The following BRWD1 variants were observed in gnomAD, a reference collection of about 807,000 sequenced individuals.
BRWD1 encodes bromodomain and WD repeat-containing protein 1.
Under a neutral mutation model 251.2 loss-of-function variants are expected in BRWD1, and 82 were observed. The observed-to-expected ratio is 0.33, with a 90% CI of 0.27 to 0.39. The LOEUF (loss-of-function observed/expected upper bound fraction) is 0.39. BRWD1 is among the 10% of genes least tolerant of loss of function. The pLI, the probability that BRWD1 is intolerant of heterozygous loss-of-function variation, is 1.00. For missense variants in BRWD1, 2,233 were observed against 2,711.6 expected, an observed-to-expected ratio of 0.82 and a Z score of 3.92; for synonymous variants, 918 against 902.8, an observed-to-expected ratio of 1.02 and a Z score of -0.30.
chr21:39,189,156 A>T lies in BRWD1; in HGVS notation c.*7103T>A, dbSNP rs1601214125. On this transcript the variant is annotated 3_prime_UTR_variant, in exon 41 of 41. Transcript: ENST00000342449. ...AATATGCTACAAAGGGTAAACAAAA[A>T]TTTTAAAATATGCAAAATTAAGGTG... 1.0e-6 allele frequency: 1 copy of T among 984,398 alleles called. No individual in the cohort carries two copies. Among genetic ancestry groups the T allele is most frequent in the African/African-American group, 1.7e-5 (1 of 57,354 alleles). The allele number at this position is 984,398 out of a possible 1,614,324, so 61.0% of individuals were successfully genotyped here.
Position 39,199,164 on chromosome 21 carries a change from A to T in BRWD1, c.5252T>A (p.Leu1751His), listed in dbSNP as rs1371985781. The T allele has an allele frequency of 1.9e-6, 3 of 1,614,162 alleles. No individual in the cohort carries two copies. Among genetic ancestry groups the T allele is most frequent in the South Asian group, 2.2e-5 (2 of 91,080 alleles). The change falls in exon 40 of 41, where the codon CTT becomes CAT. Residue 1751 changes from leucine to histidine, a missense_variant. Leu to His is a moderately conservative substitution (Grantham distance 99, BLOSUM62 -3). Around this residue, in one of 12 missense-constraint regions of BRWD1, gnomAD observed 928 missense variants for 970.0 expected, o/e 0.96. Transcript: ENST00000342449. The stretch of plus-strand genomic sequence containing the variant: ...GTCTTCCTCAGAAGACTCTATTTTA[A>T]GAAATTTTGTCTTTGAAGGTGCTGG... ...HTPAPSKTKFLKIESSEEDSK... is the reference protein window; with the variant it reads ...HTPAPSKTKFHKIESSEEDSK...
At chr21:39,304,141 C>CAAAAA (rs56990201) in intron 4 of BRWD1, among the ~76,000 whole-genome samples, 72 of 118,266 alleles carry the variant, frequency 6.1e-4, no homozygotes, top group Non-Finnish European at 8.4e-4. Context: ...AACTCTTTCT[C>CAAAAA]AAAAAAAAAA....
In BRWD1 at chr21:39,187,974, GGA is replaced by G; in HGVS notation, c.*8283_*8284del. 1 of 985,240 alleles carries G rather than the reference GGA, an allele frequency of 1.0e-6. No individual in the cohort carries two copies. The highest frequency in any genetic ancestry group is 1.2e-6 in the Non-Finnish European group (1 of 829,848). 61.0% of individuals were successfully genotyped at this position (985,240 alleles called of 1,614,324 possible). ...GGATTTGCCAGACAAAAAGCACTTTGGAGAGTTAACTACTTCATGCAGACTAA... is the reference window on the plus strand; with the variant it reads ...GGATTTGCCAGACAAAAAGCACTTTGGAGTTAACTACTTCATGCAGACTAA... On this transcript the variant is annotated 3_prime_UTR_variant, in exon 41 of 41. Coordinates refer to ENST00000342449, the MANE Select transcript of BRWD1 (RefSeq NM_033656.4).
intron 27 of BRWD1, among the ~76,000 whole-genome samples, chr21:39,226,225 A>G (rs2033377305): frequency 6.6e-6 from 1 of 152,176 alleles, no homozygotes; most frequent in Admixed American, 6.5e-5. Flanking sequence ...TTGCTAGCTG[A>G]TCACCCTGGT....
At chr21:39,265,949 A>C (rs2034905542) in intron 15 of BRWD1, among the ~76,000 whole-genome samples, 1 of 152,252 alleles carries the variant, frequency 6.6e-6, no homozygotes, top group Admixed American at 6.5e-5. Context: ...TAAACTGTAA[A>C]CTATATTAGT....
chr21:39,243,190 A>T (rs150176136), intron 21 of BRWD1, among the ~76,000 whole-genome samples: 560 of 152,338 alleles, frequency 3.7e-3, no homozygotes, highest in Non-Finnish European at 6.3e-3. Context: ...GAAGAACAGT[A>T]TATTTTCTGT....
At chr21:39,264,255 G>A (rs1025755262) in intron 17 of BRWD1, among the ~76,000 whole-genome samples, 6 of 152,044 alleles carry the variant, frequency 3.9e-5, no homozygotes, top group South Asian at 2.1e-4. Context: ...AGTTATGTAA[G>A]AGAATGTCGT....
At chr21:39,209,945 T>C in intron 36 of BRWD1, 50 bp downstream of exon 36, 1 of 1,557,226 alleles carries the variant, frequency 6.4e-7, no homozygotes, top group Non-Finnish European at 8.7e-7. Context: ...ATTGGAAAAT[T>C]ATCTACACAG....
chr21:39,222,484 A>C (rs1422922342), intron 29 of BRWD1, among the ~76,000 whole-genome samples: 1 of 152,360 alleles, frequency 6.6e-6, no homozygotes, highest in East Asian at 1.9e-4. Context: ...GAAGCTATGA[A>C]AACACTCAAA....
intron 8 of BRWD1, among the ~76,000 whole-genome samples, chr21:39,290,661 TAA>T (rs1239893868): frequency 6.6e-6 from 1 of 152,208 alleles, no homozygotes; most frequent in African/African-American, 2.4e-5. Context: ...TCTCAAAGTA[TAA>T]ATTTTCTTAT....
chr21:39,190,692 T>C lies in BRWD1; in HGVS notation c.*5567A>G, dbSNP rs2031505324. ...CCCAAAGCAGAAGTTTCCAAAAACA[T>C]CCCATAAACTGAAGTACCCCAATGG... On this transcript the variant is annotated 3_prime_UTR_variant, in exon 41 of 41. Transcript: ENST00000342449. 1 of 985,252 alleles carries C rather than the reference T, an allele frequency of 1.0e-6. No homozygotes were observed. Among genetic ancestry groups the C allele is most frequent in the Non-Finnish European group, 1.2e-6 (1 of 829,918 alleles). 61.0% of individuals were successfully genotyped at this position (985,252 alleles called of 1,614,324 possible).
intron 36 of BRWD1, among the ~76,000 whole-genome samples, chr21:39,207,970 A>T (rs2032485391): frequency 6.6e-6 from 1 of 152,194 alleles, no homozygotes; most frequent in African/African-American, 2.4e-5. Flanking sequence ...TCAGACACCG[A>T]AAGTTAGAGG....
upstream of BRWD1, chr21:39,314,592 C>T (rs896563461): frequency 6.0e-5 from 21 of 348,196 alleles, no homozygotes; most frequent in Admixed American, 8.1e-4. Flanking sequence ...TCTTGCCAGG[C>T]TTCTGACCTA....
At chr21:39,218,366 A>C (rs1476698633) in intron 30 of BRWD1, 94 bp from the exon 31 acceptor site, 2 of 1,471,948 alleles carry the variant, frequency 1.4e-6, no homozygotes, top group African/African-American at 2.8e-5. Flanking sequence ...GGCTACATTT[A>C]ACATTACAGG....
Position 39,225,175 on chromosome 21 carries a change from A to G in BRWD1, c.3231T>C (p.Ile1077=). ...WQSCDRFRSI[I]DDAWWFGTVL... ...CTGTTCCAAACCACCAAGCATCATC[A>G]ATAATAGAGCGGAATCTGTCACCTA... Residue 1077 remains isoleucine (I), a synonymous_variant, in exon 28 of 41, where the codon ATT becomes ATC. Coordinates refer to ENST00000342449, the MANE Select transcript of BRWD1 (RefSeq NM_033656.4). 1.2e-6 allele frequency: 2 copies of G among 1,613,038 alleles called. No homozygotes were observed. The highest frequency in any genetic ancestry group is 1.7e-6 in the Non-Finnish European group (2 of 1,179,264).
chr21:39,313,296 A>T lies in BRWD1; in HGVS notation c.53T>A (p.Leu18Gln). ...TAGGTACCGGGCGATAAGGAAGTACAGCTCTGCGGGAAGACAAGGAGTCAG... is the reference window on the plus strand; with the variant it reads ...TAGGTACCGGGCGATAAGGAAGTACTGCTCTGCGGGAAGACAAGGAGTCAG... ...RRPVPLIESELYFLIARYLSA... is the reference protein window; with the variant it reads ...RRPVPLIESEQYFLIARYLSA... The change falls in exon 2 of 41, where the codon CTG becomes CAG. Residue 18 changes from leucine (L) to glutamine (Q), a missense_variant. Leu to Gln is a moderately radical substitution (Grantham distance 113). Coordinates refer to ENST00000342449, the MANE Select transcript of BRWD1 (RefSeq NM_033656.4). The T allele has an allele frequency of 6.5e-7, 1 of 1,545,796 alleles. No individual in the cohort carries two copies. Among genetic ancestry groups the T allele is most frequent in the Non-Finnish European group, 8.8e-7 (1 of 1,138,352 alleles).
At chr21:39,302,515 G>C (rs1056066069) in intron 4 of BRWD1, among the ~76,000 whole-genome samples, 1 of 152,106 alleles carries the variant, frequency 6.6e-6, no homozygotes, top group Non-Finnish European at 1.5e-5. Flanking sequence ...TCAGCACTTT[G>C]GAAAGCTGAA....
At chr21:39,245,574 C>G (rs1332832615) in intron 21 of BRWD1, among the ~76,000 whole-genome samples, 1 of 150,488 alleles carries the variant, frequency 6.6e-6, no homozygotes, top group Non-Finnish European at 1.5e-5. Flanking sequence ...AATTTTAACA[C>G]TGTAGTATTA....
At chr21:39,314,384 GC>G (rs1568990212), upstream of BRWD1, 1 of 454,312 alleles carries the variant, frequency 2.2e-6, no homozygotes, top group Non-Finnish European at 4.4e-6. Flanking sequence ...GCGCGCAGCT[GC>G]GGCTGACGGC....
Sources: gnomAD v4.1 joint callset for allele counts (sites outside exome capture counted in the v4.1 genomes callset) on GRCh38, gnomAD v4.1.1 for gene constraint, gnomAD v4.1.1 regional missense constraint, MANE v1.5 for transcripts, NCBI Gene and HGNC (gene_info 2026-07-23, HGNC 2026-07-21) for gene names.